Variants in WDR59 observed in about 807,000 individuals in gnomAD.
WDR59 encodes the protein GATOR2 complex protein WDR59.
A neutral mutation model predicts 131.2 loss-of-function variants in WDR59; 100 were observed. The ratio of observed to expected loss-of-function variants is 0.76; its 90% CI spans 0.65 to 0.90. The LOEUF (loss-of-function observed/expected upper bound fraction) is 0.90. WDR59 is among the 40% of genes least tolerant of loss of function. The pLI, the probability that WDR59 is intolerant of heterozygous loss-of-function variation, is 0.00. For synonymous variants in WDR59, 601 were observed against 466.2 expected (o/e 1.29, Z -3.72); for missense variants, 1,203 against 1,262.2 (o/e 0.95, Z 0.71).
chr16:74,975,076 G>A (rs114754002), intron 1 of WDR59, among the ~76,000 whole-genome samples: 1 of 152,168 alleles, frequency 6.6e-6, no homozygotes, highest in South Asian at 2.1e-4. Context: ...AATGAAGGAA[G>A]TCAGTCGGGC....
chr16:74,956,284 C>A (rs1332536051), intron 3 of WDR59, among the ~76,000 whole-genome samples, 191 bp downstream of exon 3: 2 of 152,180 alleles, frequency 1.3e-5, no homozygotes, highest in Admixed American at 1.3e-4. Context: ...GGCCTGACAC[C>A]GATGGGACCA....
At chr16:74,923,782 A>G (rs1432033070) in intron 9 of WDR59, 144 bp downstream of exon 9, 2 of 740,532 alleles carry the variant, frequency 2.7e-6, no homozygotes, top group South Asian at 1.8e-5. Flanking sequence ...TTAAGCTATC[A>G]TTATCACGTT....
At chr16:74,944,602 G>C (rs1171065722) in intron 6 of WDR59, among the ~76,000 whole-genome samples, 1 of 151,984 alleles carries the variant, frequency 6.6e-6, no homozygotes, top group Admixed American at 6.6e-5. Context: ...TGCCCCCTGA[G>C]AGATGGGGAC....
chr16:74,911,798 T>C (rs1428031215), intron 14 of WDR59, among the ~76,000 whole-genome samples: 2 of 152,230 alleles, frequency 1.3e-5, no homozygotes, highest in African/African-American at 4.8e-5. Flanking sequence ...GCAGGGCTCC[T>C]AACCTGGGCT....
chr16:74,949,698 T>C lies in WDR59; in HGVS notation c.407+20A>G. Reference sequence around the variant, plus strand: ...CAAATCACCCCCAACCAAGTGGTTATGCCTCCTAATTGTTCTTACTTGATA... The same window carrying C: ...CAAATCACCCCCAACCAAGTGGTTACGCCTCCTAATTGTTCTTACTTGATA... On this transcript the variant is annotated intron_variant, in intron 5 of 25. Coordinates refer to ENST00000262144, the MANE Select transcript of WDR59 (RefSeq NM_030581.4). 1 of 1,611,056 alleles carries C rather than the reference T, an allele frequency of 6.2e-7. No homozygotes were observed. Among genetic ancestry groups the C allele is most frequent in the Non-Finnish European group, 8.5e-7 (1 of 1,177,892 alleles).
intron 6 of WDR59, among the ~76,000 whole-genome samples, chr16:74,945,505 A>G (rs1323588211): frequency 6.6e-6 from 1 of 151,962 alleles, no homozygotes; most frequent in African/African-American, 2.4e-5. Context: ...GAAACCTATA[A>G]ATGTAAGTAA....
intron 23 of WDR59, among the ~76,000 whole-genome samples, chr16:74,886,887 C>T (rs1183724564): frequency 1.3e-5 from 2 of 152,176 alleles, no homozygotes; most frequent in Admixed American, 6.5e-5. Flanking sequence ...CATGCCATTG[C>T]ACTCCAGCCT....
chr16:74,981,651 TA>T (rs1430040705), intron 1 of WDR59, among the ~76,000 whole-genome samples: 343 of 5,984 alleles, frequency 0.057, 26 homozygotes, highest in Admixed American at 0.18. Context: ...TATATATATA[TA>T]TATATATATT....
Position 74,874,139 on chromosome 16 carries a change from C to G in WDR59, c.*70G>C. 7.3e-7 allele frequency: 1 copy of G among 1,368,620 alleles called. No individual in the cohort carries two copies. Among genetic ancestry groups the G allele is most frequent in the Non-Finnish European group, 1.0e-6 (1 of 992,750 alleles). The allele number at this position is 1,368,620 out of a possible 1,614,324, so 84.8% of individuals were successfully genotyped here. ...GAACCCAGGTTCTGGAGCCTCTCCCCTGACAGACAGCTTGTCACCGGCACT... is the reference window on the plus strand; with the variant it reads ...GAACCCAGGTTCTGGAGCCTCTCCCGTGACAGACAGCTTGTCACCGGCACT... On this transcript the variant is annotated 3_prime_UTR_variant, in exon 26 of 26. Coordinates refer to ENST00000262144, the MANE Select transcript of WDR59 (RefSeq NM_030581.4).
At chr16:74,966,645 T>C (rs1420639388) in intron 1 of WDR59, among the ~76,000 whole-genome samples, 1 of 152,080 alleles carries the variant, frequency 6.6e-6, no homozygotes, top group African/African-American at 2.4e-5. Context: ...CACCCGTGAC[T>C]TTCCAAAGGG....
chr16:74,953,667 A>G (rs2033128262), intron 3 of WDR59, among the ~76,000 whole-genome samples: 1 of 152,188 alleles, frequency 6.6e-6, no homozygotes, highest in Non-Finnish European at 1.5e-5. Flanking sequence ...AAGAACTCCT[A>G]CAACTCAACA....
chr16:74,881,475 T>C (rs1378082891), intron 25 of WDR59, among the ~76,000 whole-genome samples: 3 of 152,116 alleles, frequency 2.0e-5, no homozygotes. Flanking sequence ...TACAGGTGTG[T>C]GCAGCTGCAC....
chr16:74,945,065 G>T (rs375065380), intron 6 of WDR59, among the ~76,000 whole-genome samples: 1 of 151,656 alleles, frequency 6.6e-6, no homozygotes. Flanking sequence ...CGGAGGTTGC[G>T]GTGAGCCAAG....
At chr16:74,878,035 A>G (rs963409253) in intron 25 of WDR59, among the ~76,000 whole-genome samples, 1 of 152,200 alleles carries the variant, frequency 6.6e-6, no homozygotes, top group Non-Finnish European at 1.5e-5. Flanking sequence ...TAACTCCCCA[A>G]ATGACAAGTG....
intron 13 of WDR59, among the ~76,000 whole-genome samples, chr16:74,914,466 G>A (rs563585075): frequency 2.6e-5 from 4 of 152,272 alleles, no homozygotes; most frequent in Non-Finnish European, 5.9e-5. Context: ...ACCACATGTG[G>A]CAAATCTGGA....
At chr16:74,877,608 G>A (rs756398218) in intron 25 of WDR59, among the ~76,000 whole-genome samples, 38 of 152,202 alleles carry the variant, frequency 2.5e-4, no homozygotes, top group South Asian at 1.2e-3. Context: ...GCAATGGTGC[G>A]ATCTCAGCTC....
rs145041449 is a variant in WDR59, at chr16:74,892,508, G to A, written c.2058C>T (p.Leu686=). 342 of 1,613,768 alleles carry A rather than the reference G, an allele frequency of 2.1e-4. No individual in the cohort carries two copies. Among genetic ancestry groups the A allele is most frequent in the Non-Finnish European group, 2.3e-4 (268 of 1,179,870 alleles). The change falls in exon 20 of 26, where the codon CTC becomes CTT. Residue 686 remains leucine, a synonymous_variant. Transcript: ENST00000262144. Reference sequence around the variant, plus strand: ...CCTGGACAAGATCCTTTCTTCCAACGAGCAAGGCAGAGGCGGCATTCTTCT... The same window carrying A: ...CCTGGACAAGATCCTTTCTTCCAACAAGCAAGGCAGAGGCGGCATTCTTCT... The part of the protein sequence containing the change: ...TCQKNAASAL[L]VGRKDLVQVW...
At chr16:74,933,162 A>C (rs1258450624) in intron 8 of WDR59, among the ~76,000 whole-genome samples, 1 of 152,158 alleles carries the variant, frequency 6.6e-6, no homozygotes, top group Admixed American at 6.6e-5. Flanking sequence ...ATAATTTGAC[A>C]TGGTGGCATA....
At chr16:74,936,918 A>G (rs993511507) in intron 8 of WDR59, among the ~76,000 whole-genome samples, 2 of 152,284 alleles carry the variant, frequency 1.3e-5, no homozygotes, top group African/African-American at 4.8e-5. Context: ...ATAACTTACA[A>G]CCCTAAGAGA....
Sources: allele counts gnomAD v4.1 joint callset (sites outside exome capture counted in the v4.1 genomes callset), GRCh38; gene constraint gnomAD v4.1.1; transcripts MANE v1.5; gene names NCBI Gene and HGNC (gene_info 2026-07-23, HGNC 2026-07-21).